CAMK1G: variants seen among roughly 807,000 people sequenced by gnomAD.
CAMK1G encodes the protein calcium/calmodulin dependent protein kinase IG, also known as calcium/calmodulin-dependent protein kinase type 1G.
In CAMK1G, 27 loss-of-function variants were observed where a neutral mutation model predicts 54.8. The ratio of observed to expected loss-of-function variants is 0.49; its 90% CI spans 0.36 to 0.68. CAMK1G has a LOEUF of 0.68. CAMK1G is among the 30% of genes least tolerant of loss of function. The pLI, the probability that CAMK1G is intolerant of heterozygous loss-of-function variation, is 0.00. For synonymous variants in CAMK1G, 238 were observed against 224.9 expected, an observed-to-expected ratio of 1.06 and a Z score of -0.52; for missense variants, 512 against 591.0, an observed-to-expected ratio of 0.87 and a Z score of 1.39.
intron 9 of CAMK1G, 132 bp from the exon 10 acceptor site, chr1:209,611,333 T>A (rs1571788312): frequency 1.3e-6 from 1 of 748,066 alleles, no homozygotes; most frequent in African/African-American, 1.8e-5. Context: ...CTTGCAGCCC[T>A]TTCCTGCTGT....
At chr1:209,593,757 C>A (rs1423214378) in intron 1 of CAMK1G, among the ~76,000 whole-genome samples, 1 of 95,986 alleles carries the variant, frequency 1.0e-5, no homozygotes, top group Non-Finnish European at 2.8e-5. Flanking sequence ...TCTCTCTTCA[C>A]ATCTCTCTCC....
At chr1:209,592,192 T>A (rs941899055) in intron 1 of CAMK1G, among the ~76,000 whole-genome samples, 1 of 151,310 alleles carries the variant, frequency 6.6e-6, no homozygotes, top group Non-Finnish European at 1.5e-5. Flanking sequence ...GGAAAAAAAA[T>A]TAATATTTGG....
chr1:209,601,261 T>C (rs1012061800), intron 3 of CAMK1G, among the ~76,000 whole-genome samples: 3 of 152,170 alleles, frequency 2.0e-5, no homozygotes, highest in African/African-American at 7.2e-5. Flanking sequence ...CAGAATCATA[T>C]GTGCCTAAAA....
At chr1:209,587,289 C>T (rs1200638271) in intron 1 of CAMK1G, among the ~76,000 whole-genome samples, 2 of 151,898 alleles carry the variant, frequency 1.3e-5, no homozygotes, top group East Asian at 1.9e-4. Context: ...GAGGGCTGCT[C>T]GAAATTTCAT....
intron 3 of CAMK1G, among the ~76,000 whole-genome samples, chr1:209,601,868 G>C (rs998335857): frequency 6.6e-6 from 1 of 152,188 alleles, no homozygotes; most frequent in Admixed American, 6.5e-5. Context: ...ATACTTTTCA[G>C]ACAAGGAAAG....
At chr1:209,584,080 C>G (rs1034263186) in intron 1 of CAMK1G, 1 of 152,274 alleles carries the variant, frequency 6.6e-6, no homozygotes, top group Non-Finnish European at 1.5e-5. Context: ...GCCCCTCCTG[C>G]AATGCCTGCA....
At chr1:209,604,804 G>A (rs1665607707) in intron 4 of CAMK1G, among the ~76,000 whole-genome samples, 3 of 152,172 alleles carry the variant, frequency 2.0e-5, no homozygotes, top group Admixed American at 2.0e-4. Context: ...TGGTAGCACT[G>A]GTAGAAATGA....
intron 8 of CAMK1G, 100 bp from the exon 9 acceptor site, chr1:209,609,751 G>C (rs1451456031): frequency 8.6e-7 from 1 of 1,166,600 alleles, no homozygotes; most frequent in Admixed American, 1.8e-5. Context: ...TGGAAGATCA[G>C]CTAAAGATGC....
intron 1 of CAMK1G, among the ~76,000 whole-genome samples, chr1:209,589,785 C>T (rs1486446392): frequency 6.6e-6 from 1 of 152,166 alleles, no homozygotes; most frequent in African/African-American, 2.4e-5. Flanking sequence ...TAAGGCCAGA[C>T]TCCTATCATA....
At chr1:209,588,708 T>C (rs1665168637) in intron 1 of CAMK1G, among the ~76,000 whole-genome samples, 2 of 152,206 alleles carry the variant, frequency 1.3e-5, no homozygotes, top group South Asian at 4.1e-4. Context: ...AAAGCTTATC[T>C]GCCTGAGAGT....
intron 4 of CAMK1G, among the ~76,000 whole-genome samples, chr1:209,604,843 A>G (rs1665609068): frequency 6.7e-6 from 1 of 148,406 alleles, no homozygotes; most frequent in Non-Finnish European, 1.5e-5. Context: ...CATAATGTGC[A>G]GAAACATTAG....
intron 1 of CAMK1G, among the ~76,000 whole-genome samples, chr1:209,587,483 CTCAGAGCCTT>C (rs1490850497): frequency 6.6e-6 from 1 of 152,022 alleles, no homozygotes. Context: ...TTTAATGGTC[CTCAGAGCCTT>C]TAATAAGCTA....
chr1:209,609,368 A>G (rs556546294), intron 8 of CAMK1G, among the ~76,000 whole-genome samples: 1 of 152,350 alleles, frequency 6.6e-6, no homozygotes, highest in East Asian at 1.9e-4. Flanking sequence ...AGGAGGGCAG[A>G]GCCAGGTGGT....
chr1:209,609,715 T>C, intron 8 of CAMK1G, 136 bp from the exon 9 acceptor site: 1 of 835,452 alleles, frequency 1.2e-6, no homozygotes, highest in South Asian at 1.6e-5. Flanking sequence ...TTTTTTCCTC[T>C]TCTAAGACTC....
intron 1 of CAMK1G, among the ~76,000 whole-genome samples, chr1:209,586,543 G>T (rs1413602329): frequency 6.6e-6 from 1 of 152,106 alleles, no homozygotes; most frequent in Non-Finnish European, 1.5e-5. Context: ...CCTGTCTCCT[G>T]TCCTGTGCTC....
chr1:209,613,055 CCTCTG>C lies in CAMK1G; in HGVS notation c.*58_*62del. On this transcript the variant is annotated 3_prime_UTR_variant, in exon 13 of 13. Transcript: ENST00000361322. ...TCTCTTGCAGGAGACATATTCAACT[CCTCTG>C]CTCTTCCAAACCTGGTGTCTATCCG... is the stretch of plus-strand genomic sequence containing the variant. 1 of 561,778 alleles carries C rather than the reference CCTCTG, an allele frequency of 1.8e-6. No homozygotes were observed. 34.8% of individuals were successfully genotyped at this position (561,778 alleles called of 1,614,324 possible).
Position 209,601,167 on chromosome 1 carries a change from G to A in CAMK1G, c.221+1056G>A, listed in dbSNP as rs568129749. On this transcript the variant is annotated intron_variant, in intron 3 of 12. Transcript: ENST00000361322. ...GGCACAGTGGAGGATGGATTGGAGGGTGCCAGCCTAGAGGACAGGAGGCTA... is the reference window on the plus strand; with the variant it reads ...GGCACAGTGGAGGATGGATTGGAGGATGCCAGCCTAGAGGACAGGAGGCTA... Among the ~76,000 whole-genome samples, 6 of 152,282 alleles carry A rather than the reference G, an allele frequency of 3.9e-5. No individual in the cohort carries two copies. The South Asian group carries it at 1.0e-3, about 26-fold the overall frequency.
chr1:209,604,966 G>T (rs1054281432), intron 4 of CAMK1G, among the ~76,000 whole-genome samples: 8 of 152,114 alleles, frequency 5.3e-5, no homozygotes, highest in African/African-American at 1.7e-4. Flanking sequence ...GTATTCATGA[G>T]ATAGAAGTCA....
chr1:209,603,351 G>C, intron 4 of CAMK1G, 63 bp downstream of exon 4: 1 of 1,356,404 alleles, frequency 7.4e-7, no homozygotes, highest in East Asian at 2.3e-5. Flanking sequence ...GCCTACAGGA[G>C]GTTGGTCGCT....
Sources: gnomAD v4.1 joint callset for allele counts (sites outside exome capture counted in the v4.1 genomes callset) on GRCh38, gnomAD v4.1.1 for gene constraint, MANE v1.5 for transcripts, NCBI Gene and HGNC (gene_info 2026-07-23, HGNC 2026-07-21) for gene names.